The following VPS13B variants were observed in gnomAD, a reference collection of about 807,000 sequenced individuals.
VPS13B encodes the protein vacuolar protein sorting 13 homolog B, also known as intermembrane lipid transfer protein VPS13B.
Under a neutral mutation model 426.4 loss-of-function variants are expected in VPS13B, and 285 were observed. The observed-to-expected ratio is 0.67, with a 90% CI of 0.61 to 0.74. The LOEUF (loss-of-function observed/expected upper bound fraction) is 0.74. Ranked by LOEUF, VPS13B falls within the 30% of genes least tolerant of loss-of-function variation. VPS13B has a pLI of 0.00. For missense variants in VPS13B, 4,537 were observed against 4,782.6 expected (o/e 0.95, Z 1.51); for synonymous variants, 1,676 against 1,676.4 (o/e 1.00, Z 0.01).
chr8:99,549,207 A>C (rs928017874), intron 30 of VPS13B, among the ~76,000 whole-genome samples: 1 of 152,126 alleles, frequency 6.6e-6, no homozygotes, highest in African/African-American at 2.4e-5. Context: ...TAACCAGCAT[A>C]CTGTTAAAAC....
chr8:99,819,318 T>G, intron 47 of VPS13B, 94 bp from the exon 48 acceptor site: 1 of 1,435,496 alleles, frequency 7.0e-7, no homozygotes, highest in South Asian at 1.2e-5. Flanking sequence ...AAGGTGTTGG[T>G]CTATAATACA....
At position 99,121,013 on chromosome 8, in the gene VPS13B, T is replaced by G. The variant is rs112458271; in HGVS notation, c.938-164T>G. The stretch of plus-strand genomic sequence containing the variant: ...GGTACAACATACAGAAAGTTGAGAG[T>G]CATAATGCTAAATTATTGGTTTCAA... On this transcript the variant is annotated intron_variant, in intron 7 of 61. Transcript: ENST00000357162. Among the ~76,000 whole-genome samples, 1,267 of 152,230 alleles carry G rather than the reference T, an allele frequency of 8.3e-3. 15 individuals are homozygous for G. The highest frequency in any genetic ancestry group is 0.029 in the African/African-American group (1,186 of 41,542).
chr8:99,813,722 T>C (rs1383756243), intron 44 of VPS13B, among the ~76,000 whole-genome samples: 2 of 152,188 alleles, frequency 1.3e-5, no homozygotes, highest in South Asian at 2.1e-4. Flanking sequence ...AAAATTCAAA[T>C]AAGCAGATAG....
intron 3 of VPS13B, among the ~76,000 whole-genome samples, chr8:99,089,789 G>C (rs1290749402): frequency 6.6e-6 from 1 of 152,102 alleles, no homozygotes; most frequent in African/African-American, 2.4e-5. Flanking sequence ...AGACCACCAG[G>C]AAAGGGAAAG....
chr8:99,597,534 A>G (rs1827079548), intron 33 of VPS13B, among the ~76,000 whole-genome samples: 1 of 152,016 alleles, frequency 6.6e-6, no homozygotes, highest in Non-Finnish European at 1.5e-5. Flanking sequence ...AATGAGGTGT[A>G]AAGAGAAGTG....
intron 19 of VPS13B, among the ~76,000 whole-genome samples, chr8:99,278,881 A>G (rs761191020): frequency 5.9e-5 from 9 of 152,224 alleles, no homozygotes; most frequent in Non-Finnish European, 1.3e-4. Flanking sequence ...ATTAACAGCA[A>G]AGGAGCTGAA....
At chr8:99,701,556 G>A (rs1353965115) in intron 36 of VPS13B, among the ~76,000 whole-genome samples, 1 of 152,052 alleles carries the variant, frequency 6.6e-6, no homozygotes, top group East Asian at 1.9e-4. Context: ...TTTGGAACTT[G>A]TTTTTTCCCC....
intron 19 of VPS13B, among the ~76,000 whole-genome samples, chr8:99,301,258 T>C (rs377512754): frequency 7.9e-5 from 12 of 151,924 alleles, no homozygotes; most frequent in African/African-American, 2.6e-4. Flanking sequence ...CTCGTTAGTA[T>C]CAGGCACTCT....
At chr8:99,388,692 T>C (rs981324240) in intron 20 of VPS13B, among the ~76,000 whole-genome samples, 1 of 152,246 alleles carries the variant, frequency 6.6e-6, no homozygotes, top group Admixed American at 6.5e-5. Context: ...TTACTCCTTA[T>C]TTGGTATCAC....
At chr8:99,089,739 G>A (rs191524623) in intron 3 of VPS13B, among the ~76,000 whole-genome samples, 1 of 152,076 alleles carries the variant, frequency 6.6e-6, no homozygotes, top group South Asian at 2.1e-4. Context: ...ACTTAAAAAG[G>A]TGCCAGACTC....
At chr8:99,384,806 A>C (rs1466603578) in intron 20 of VPS13B, among the ~76,000 whole-genome samples, 3 of 152,080 alleles carry the variant, frequency 2.0e-5, no homozygotes, top group African/African-American at 7.2e-5. Context: ...CATCCTCCCA[A>C]GTAGCTGGGA....
chr8:99,585,646 A>G (rs1193604893), intron 33 of VPS13B, among the ~76,000 whole-genome samples: 4 of 152,218 alleles, frequency 2.6e-5, no homozygotes. Context: ...TAATAAAAAC[A>G]TGCAAAAAAC....
intron 17 of VPS13B, among the ~76,000 whole-genome samples, chr8:99,231,878 C>T (rs1157960013): frequency 6.6e-6 from 1 of 152,066 alleles, no homozygotes; most frequent in Admixed American, 6.6e-5. Flanking sequence ...ATATTGATGG[C>T]TTATACACCA....
chr8:99,242,714 C>T (rs1325886703), intron 17 of VPS13B, among the ~76,000 whole-genome samples: 1 of 152,108 alleles, frequency 6.6e-6, no homozygotes, highest in Non-Finnish European at 1.5e-5. Context: ...TGACTTTTTA[C>T]TTATAGAATT....
intron 39 of VPS13B, among the ~76,000 whole-genome samples, chr8:99,751,651 A>G (rs1031926955): frequency 6.6e-6 from 1 of 152,188 alleles, no homozygotes; most frequent in African/African-American, 2.4e-5. Context: ...ATTAAAACAC[A>G]TTTTTAAACA....
Position 99,275,028 on chromosome 8 carries a change from TC to T in VPS13B, c.2651-52del, listed in dbSNP as rs1392440670. On this transcript the variant is annotated intron_variant, in intron 18 of 61. Transcript: ENST00000357162. Reference sequence around the variant, plus strand: ...TAGTATATTTTAAAATCAAACATTCTCAAGTGACTCATGTTTTATTTTTATT... The same window carrying T: ...TAGTATATTTTAAAATCAAACATTCTAAGTGACTCATGTTTTATTTTTATT... The T allele has an allele frequency of 2.1e-4, 306 of 1,450,336 alleles. 1 individual carries two copies. The African/African-American group carries it at 4.1e-3, about 20-fold the overall frequency. The allele number at this position is 1,450,336 out of a possible 1,614,324, so 89.8% of individuals were successfully genotyped here.
Position 99,501,729 on chromosome 8 carries a change from T to G in VPS13B, c.3913T>G (p.Ser1305Ala). The G allele has an allele frequency of 6.2e-7, 1 of 1,614,170 alleles. No homozygotes were observed. Residue 1305 changes from serine (S) to alanine (A), a missense_variant, in exon 26 of 62, where the codon TCT becomes GCT. By Grantham distance (99) the Ser-to-Ala change is moderately conservative (BLOSUM62 1). Coordinates refer to ENST00000357162, the MANE Select transcript of VPS13B (RefSeq NM_152564.5). ...AGGTGAGGAATCACCATTCTCAGAT[T>G]CTGTGACCTTGGAACAAACTACAAG... is the stretch of plus-strand genomic sequence containing the variant. The part of the protein sequence containing the change: ...QAGEESPFSD[S>A]VTLEQTTSNI...
At chr8:99,370,862 G>A (rs887688299) in intron 19 of VPS13B, among the ~76,000 whole-genome samples, 10 of 151,880 alleles carry the variant, frequency 6.6e-5, no homozygotes, top group African/African-American at 2.2e-4. Context: ...CGCCCATCTC[G>A]GCCTCCCAAA....
intron 17 of VPS13B, among the ~76,000 whole-genome samples, chr8:99,243,561 G>T (rs1036928493): frequency 5.3e-5 from 8 of 151,988 alleles, no homozygotes; most frequent in Non-Finnish European, 1.0e-4. Flanking sequence ...CTCAGAAAAG[G>T]ATAGACATAA....
Sources: gnomAD v4.1 joint callset for allele counts (sites outside exome capture counted in the v4.1 genomes callset) on GRCh38, gnomAD v4.1.1 for gene constraint, MANE v1.5 for transcripts, NCBI Gene and HGNC (gene_info 2026-07-23, HGNC 2026-07-21) for gene names.